Variants in SLC35F4 observed in about 807,000 individuals in gnomAD.
The protein encoded by SLC35F4 is chromosome 14 open reading frame 36.
A neutral mutation model predicts 44.2 loss-of-function variants in SLC35F4; 24 were observed. That is an observed-to-expected ratio of 0.54 (90% CI 0.39 to 0.76). The LOEUF (loss-of-function observed/expected upper bound fraction) is 0.76. SLC35F4 is among the 30% of genes least tolerant of loss of function. SLC35F4 has a pLI of 0.00. For missense variants in SLC35F4, 562 were observed against 586.1 expected (o/e 0.96, Z 0.42); for synonymous variants, 238 against 223.6 (o/e 1.06, Z -0.57).
At chr14:57,908,943 C>T (rs1243187360) in intron 1 of SLC35F4, among the ~76,000 whole-genome samples, 2 of 152,128 alleles carry the variant, frequency 1.3e-5, no homozygotes, top group Admixed American at 6.5e-5. Flanking sequence ...TTTAATCCAT[C>T]CTGAGTTAAT....
rs143908253 is a variant in SLC35F4, at chr14:57,951,458, G to C, written n.282+30455C>G. On this transcript the variant is annotated intron_variant and non_coding_transcript_variant, in intron 1 of 1. Coordinates refer to the SLC35F4 transcript ENST00000556568. ...AACCATTCAATCCCCTGGAAAAGGG[G>C]GCTGAAGCCAGGGAGCCAAGTGGTC... 1.4e-3 allele frequency among the ~76,000 whole-genome samples: 215 copies of C among 152,212 alleles called. 2 individuals are homozygous for C. Among genetic ancestry groups the C allele is most frequent in the Middle Eastern group, 3.4e-3 (1 of 292 alleles).
chr14:57,950,342 T>A (rs2141079899), intron 1 of SLC35F4, among the ~76,000 whole-genome samples: 1 of 152,252 alleles, frequency 6.6e-6, no homozygotes, highest in East Asian at 1.9e-4. Context: ...CTGCATTTTG[T>A]ATTTCTTTAC....
chr14:57,735,951 G>A (rs2076453912), intron 1 of SLC35F4, among the ~76,000 whole-genome samples: 1 of 152,050 alleles, frequency 6.6e-6, no homozygotes, highest in African/African-American at 2.4e-5. Context: ...CTGGCCTCAA[G>A]GGATACTACT....
chr14:57,938,831 T>C (rs1310231796), intron 1 of SLC35F4, among the ~76,000 whole-genome samples: 1 of 152,118 alleles, frequency 6.6e-6, no homozygotes, highest in Admixed American at 6.5e-5. Flanking sequence ...ATGCTACCGA[T>C]TGGGGTTTGT....
At chr14:57,687,465 A>C (rs2075100501) in intron 1 of SLC35F4, among the ~76,000 whole-genome samples, 1 of 152,182 alleles carries the variant, frequency 6.6e-6, no homozygotes, top group Admixed American at 6.5e-5. Flanking sequence ...GTCCTATTCC[A>C]AACAGGAAAC....
At chr14:57,878,897 A>T (rs932209837) in intron 1 of SLC35F4, among the ~76,000 whole-genome samples, 7 of 152,168 alleles carry the variant, frequency 4.6e-5, no homozygotes, top group African/African-American at 1.7e-4. Context: ...TTCAAGGAAG[A>T]TCTATTTACC....
At chr14:57,691,160 AG>A (rs1178986844) in intron 1 of SLC35F4, among the ~76,000 whole-genome samples, 1 of 152,202 alleles carries the variant, frequency 6.6e-6, no homozygotes, top group Non-Finnish European at 1.5e-5. Context: ...AAAGAAAAAA[AG>A]AAAGAAAGGG....
intron 1 of SLC35F4, among the ~76,000 whole-genome samples, chr14:57,769,044 G>A (rs941065134): frequency 6.6e-6 from 1 of 152,154 alleles, no homozygotes; most frequent in Non-Finnish European, 1.5e-5. Flanking sequence ...AAAGAGTACT[G>A]TTTGTAAGGA....
chr14:57,895,560 C>A (rs1888853296), intron 1 of SLC35F4, among the ~76,000 whole-genome samples: 2 of 151,420 alleles, frequency 1.3e-5, no homozygotes, highest in South Asian at 4.2e-4. Context: ...GTGGCACTTA[C>A]CCCTTCTCTC....
At chr14:57,769,214 T>C (rs1256178722) in intron 1 of SLC35F4, among the ~76,000 whole-genome samples, 2 of 152,082 alleles carry the variant, frequency 1.3e-5, no homozygotes, top group African/African-American at 2.4e-5. Flanking sequence ...ACCCTGTTAA[T>C]AGCCTCCAGC....
chr14:57,949,721 T>C (rs1210822903), intron 1 of SLC35F4, among the ~76,000 whole-genome samples: 4 of 152,202 alleles, frequency 2.6e-5, no homozygotes, highest in African/African-American at 9.6e-5. Context: ...GCTAGTTCTC[T>C]AGTGGTGAAT....
chr14:57,956,841 T>C (rs1445332575), intron 1 of SLC35F4, among the ~76,000 whole-genome samples: 1 of 152,198 alleles, frequency 6.6e-6, no homozygotes, highest in African/African-American at 2.4e-5. Flanking sequence ...ACATGTTTGG[T>C]GGGAATGTAA....
chr14:57,699,306 T>A (rs2075469639), intron 1 of SLC35F4, among the ~76,000 whole-genome samples: 1 of 152,194 alleles, frequency 6.6e-6, no homozygotes, highest in Admixed American at 6.5e-5. Context: ...AAATCTTTAA[T>A]GCCAATGTTT....
intron 1 of SLC35F4, among the ~76,000 whole-genome samples, chr14:57,801,923 A>G (rs1038391877): frequency 1.3e-5 from 2 of 152,186 alleles, no homozygotes; most frequent in Admixed American, 1.3e-4. Flanking sequence ...TAGATCATAG[A>G]AACACAAAAT....
rs185263289 is a variant in SLC35F4 at position 57,609,217 on chromosome 14, A to G, written c.104-15093T>C. 5.3e-4 allele frequency among the ~76,000 whole-genome samples: 81 copies of G among 152,300 alleles called. No individual in the cohort carries two copies. In the Middle Eastern group the frequency reaches 0.024, roughly 45 times the overall value. ...GGCATATGGCAGATTCAGATAATTC[A>G]GCGTAGTTTTATTAGAAAAAAATGA... On this transcript the variant is annotated intron_variant, in intron 1 of 7. Coordinates refer to ENST00000556826, the MANE Select transcript of SLC35F4 (RefSeq NM_001306087.2).
chr14:57,602,980 A>G (rs2070919922), intron 1 of SLC35F4, among the ~76,000 whole-genome samples: 1 of 152,006 alleles, frequency 6.6e-6, no homozygotes, highest in South Asian at 2.1e-4. Context: ...AATTCCAGCT[A>G]CCTCTTACCT....
intron 1 of SLC35F4, among the ~76,000 whole-genome samples, chr14:57,927,649 T>A (rs907568406): frequency 6.6e-6 from 1 of 151,660 alleles, no homozygotes; most frequent in African/African-American, 2.4e-5. Context: ...TGCCACCACA[T>A]CCAGCTAATT....
chr14:57,572,878 A>G (rs1049405447), intron 4 of SLC35F4, among the ~76,000 whole-genome samples: 13 of 152,236 alleles, frequency 8.5e-5, no homozygotes, highest in Non-Finnish European at 1.9e-4. Flanking sequence ...GAGCTATAGC[A>G]AACAGTAAAA....
chr14:57,926,708 T>C (rs1889578194), intron 1 of SLC35F4, among the ~76,000 whole-genome samples: 1 of 98,556 alleles, frequency 1.0e-5, no homozygotes, highest in Non-Finnish European at 1.9e-5. Flanking sequence ...AAAAGGAATA[T>C]AACAATGAAG....
Sources: allele counts gnomAD v4.1 joint callset (sites outside exome capture counted in the v4.1 genomes callset), GRCh38; gene constraint gnomAD v4.1.1; transcripts MANE v1.5; gene names NCBI Gene and HGNC (gene_info 2026-07-23, HGNC 2026-07-21).